The following MAGI2 variants were observed in gnomAD, a reference collection of about 807,000 sequenced individuals.
The protein encoded by MAGI2 is membrane-associated guanylate kinase, WW and PDZ domain-containing protein 2.
Under a neutral mutation model 133.3 loss-of-function variants are expected in MAGI2, and 35 were observed. The observed-to-expected ratio is 0.26, with a 90% CI of 0.20 to 0.35. The LOEUF (loss-of-function observed/expected upper bound fraction) is 0.35. Ranked by LOEUF, MAGI2 falls within the 10% of genes least tolerant of loss-of-function variation. The pLI, the probability that MAGI2 is intolerant of heterozygous loss-of-function variation, is 1.00. For missense variants in MAGI2, 1,636 were observed against 1,863.4 expected, an observed-to-expected ratio of 0.88 and a Z score of 2.25; for synonymous variants, 729 against 710.6, an observed-to-expected ratio of 1.03 and a Z score of -0.41.
chr7:79,085,169 T>G (rs1365102107), intron 1 of MAGI2, among the ~76,000 whole-genome samples: 2 of 151,920 alleles, frequency 1.3e-5, no homozygotes, highest in East Asian at 3.9e-4. Flanking sequence ...TTTTCATTAT[T>G]TTCTCTTTCT....
chr7:78,506,752 C>A (rs116035803), intron 4 of MAGI2, among the ~76,000 whole-genome samples: 1 of 152,070 alleles, frequency 6.6e-6, no homozygotes, highest in Non-Finnish European at 1.5e-5. Flanking sequence ...GCAGTATTTA[C>A]GGTGGAGTGG....
intron 1 of MAGI2, among the ~76,000 whole-genome samples, chr7:79,084,257 T>A (rs1816293838): frequency 2.0e-5 from 3 of 151,926 alleles, no homozygotes; most frequent in African/African-American, 7.2e-5. Flanking sequence ...TTGATTTGAG[T>A]TCTATTTTAT....
chr7:78,592,507 A>T (rs1419167462), intron 3 of MAGI2, among the ~76,000 whole-genome samples: 1 of 152,230 alleles, frequency 6.6e-6, no homozygotes, highest in African/African-American at 2.4e-5. Flanking sequence ...TTTGAAAAAA[A>T]TAAGGAATTT....
chr7:78,114,859 C>T (rs1458456938), intron 20 of MAGI2, among the ~76,000 whole-genome samples: 2 of 152,148 alleles, frequency 1.3e-5, no homozygotes, highest in East Asian at 1.9e-4. Context: ...ACGTATGCTA[C>T]AGAATGAATG....
intron 3 of MAGI2, among the ~76,000 whole-genome samples, chr7:78,607,248 G>T (rs1381003571): frequency 6.6e-6 from 1 of 152,032 alleles, no homozygotes; most frequent in African/African-American, 2.4e-5. Context: ...GCTGCTAGGG[G>T]GCAGTCATGT....
At chr7:78,417,880 TCC>T (rs1460543539) in intron 6 of MAGI2, among the ~76,000 whole-genome samples, 1 of 152,202 alleles carries the variant, frequency 6.6e-6, no homozygotes, top group Non-Finnish European at 1.5e-5. Flanking sequence ...TTAGGATGTG[TCC>T]CCATTGATGG....
At chr7:78,495,389 T>C (rs1392551192) in intron 5 of MAGI2, among the ~76,000 whole-genome samples, 2 of 152,164 alleles carry the variant, frequency 1.3e-5, no homozygotes, top group African/African-American at 2.4e-5. Flanking sequence ...TCTGTTAGTT[T>C]GCTGAAAAAC....
intron 2 of MAGI2, among the ~76,000 whole-genome samples, chr7:78,792,629 T>C (rs1787268940): frequency 6.6e-6 from 1 of 152,254 alleles, no homozygotes; most frequent in Non-Finnish European, 1.5e-5. Flanking sequence ...TATTATTTTA[T>C]GGTTTATTTG....
intron 1 of MAGI2, among the ~76,000 whole-genome samples, chr7:79,281,584 G>A (rs926801791): frequency 6.6e-6 from 1 of 152,204 alleles, no homozygotes; most frequent in Middle Eastern, 3.4e-3. Context: ...AAAAAATAGA[G>A]CATAAGAAAA....
chr7:78,598,708 G>A (rs1243014320), intron 3 of MAGI2, among the ~76,000 whole-genome samples: 3 of 152,196 alleles, frequency 2.0e-5, no homozygotes, highest in African/African-American at 7.2e-5. Flanking sequence ...TACTAGGTAA[G>A]CTACTGGGAG....
chr7:78,721,633 T>C (rs1820277511), intron 2 of MAGI2, among the ~76,000 whole-genome samples: 1 of 151,970 alleles, frequency 6.6e-6, no homozygotes, highest in Non-Finnish European at 1.5e-5. Context: ...CCTATTAAAT[T>C]GTGAGAAATC....
At chr7:78,504,440 G>A (rs1476740072) in intron 4 of MAGI2, among the ~76,000 whole-genome samples, 2 of 152,088 alleles carry the variant, frequency 1.3e-5, no homozygotes, top group African/African-American at 2.4e-5. Context: ...GAGTAGAGCA[G>A]GTACCATCAA....
intron 2 of MAGI2, among the ~76,000 whole-genome samples, chr7:78,892,348 A>G (rs1796836215): frequency 2.0e-5 from 3 of 152,316 alleles, no homozygotes; most frequent in Admixed American, 2.0e-4. Context: ...CAAGCCACCA[A>G]TGACTTTCTT....
chr7:79,070,162 G>T (rs1311703055), intron 1 of MAGI2, among the ~76,000 whole-genome samples: 6 of 152,020 alleles, frequency 3.9e-5, no homozygotes, highest in African/African-American at 1.4e-4. Flanking sequence ...GCCTTGCTAG[G>T]CTGTGGAAGT....
intron 6 of MAGI2, among the ~76,000 whole-genome samples, chr7:78,393,792 A>G (rs923489260): frequency 6.6e-6 from 1 of 152,216 alleles, no homozygotes; most frequent in Non-Finnish European, 1.5e-5. Context: ...AAGGGATGAA[A>G]CAGAATGAAA....
At chr7:78,890,201 G>A (rs1203960352) in intron 2 of MAGI2, among the ~76,000 whole-genome samples, 7 of 152,120 alleles carry the variant, frequency 4.6e-5, no homozygotes, top group Non-Finnish European at 8.8e-5. Flanking sequence ...TTGGCACCCA[G>A]TACAGGAGCA....
intron 1 of MAGI2, among the ~76,000 whole-genome samples, chr7:79,427,821 G>A (rs997061837): frequency 6.6e-6 from 1 of 152,094 alleles, no homozygotes; most frequent in African/African-American, 2.4e-5. Context: ...GTCACTTGCT[G>A]GATGGATTGG....
Position 79,453,617 on chromosome 7 carries a change from C to T in MAGI2, c.-297G>A. On this transcript the variant is annotated 5_prime_UTR_variant, in exon 1 of 22. Coordinates refer to ENST00000354212, the MANE Select transcript of MAGI2 (RefSeq NM_012301.4). Reference sequence around the variant, plus strand: ...GAAGCAGTGGTGGTGGCGTCGGCGGCGGCGGCGGCGGCAGCCGGAGCGAGC... The same window carrying T: ...GAAGCAGTGGTGGTGGCGTCGGCGGTGGCGGCGGCGGCAGCCGGAGCGAGC... 3 of 948,792 alleles carry T rather than the reference C, an allele frequency of 3.2e-6. No individual in the cohort carries two copies. Among genetic ancestry groups the T allele is most frequent in the Non-Finnish European group, 3.8e-6 (3 of 799,730 alleles). The allele number at this position is 948,792 out of a possible 1,614,324, so 58.8% of individuals were successfully genotyped here. A position where few individuals can be genotyped will look rare whatever the true frequency, so the allele number is the denominator to read the frequency against.
At chr7:79,276,432 A>G (rs551101213) in intron 1 of MAGI2, among the ~76,000 whole-genome samples, 2 of 152,324 alleles carry the variant, frequency 1.3e-5, no homozygotes, top group Middle Eastern at 3.4e-3. Context: ...AAGAGCCTCC[A>G]CCAGCAAATT....
Sources: gnomAD v4.1 joint callset for allele counts (sites outside exome capture counted in the v4.1 genomes callset) on GRCh38, gnomAD v4.1.1 for gene constraint, MANE v1.5 for transcripts, NCBI Gene and HGNC (gene_info 2026-07-23, HGNC 2026-07-21) for gene names.